CCDC91: variants seen among roughly 807,000 people sequenced by gnomAD.
CCDC91 encodes coiled-coil domain-containing protein 91.
A neutral mutation model predicts 63.2 loss-of-function variants in CCDC91; 48 were observed. The observed-to-expected ratio is 0.76, with a 90% confidence interval of 0.60 to 0.97. The LOEUF (loss-of-function observed/expected upper bound fraction) is 0.97. Ranked by LOEUF, CCDC91 falls within the 50% of genes least tolerant of loss-of-function variation. The probability of loss-of-function intolerance (pLI) is 0.00; values close to 1 mark genes in which losing one functional copy is unlikely to be tolerated. For synonymous variants in CCDC91, 167 were observed against 165.8 expected (o/e 1.01, Z -0.06); for missense variants, 500 against 494.6 (o/e 1.01, Z -0.10).
intron 1 of CCDC91, among the ~76,000 whole-genome samples, chr12:28,223,920 T>C (rs1429148005): frequency 6.6e-6 from 1 of 152,170 alleles, no homozygotes; most frequent in Non-Finnish European, 1.5e-5. Context: ...ATTGGAGGTA[T>C]GTTTGCAGTG....
intron 8 of CCDC91, among the ~76,000 whole-genome samples, chr12:28,414,824 C>T (rs1478189008): frequency 6.6e-6 from 1 of 152,114 alleles, no homozygotes; most frequent in Non-Finnish European, 1.5e-5. Context: ...GAGCAATGAA[C>T]TTGGGGCAAT....
chr12:28,267,822 T>TA (rs1565699890), intron 3 of CCDC91, among the ~76,000 whole-genome samples: 19 of 5,674 alleles, frequency 3.3e-3, no homozygotes, highest in South Asian at 0.03. Flanking sequence ...ATAATTATAT[T>TA]ATTAATATAT....
chr12:28,350,049 T>C (rs1943077255), intron 6 of CCDC91, among the ~76,000 whole-genome samples: 1 of 152,170 alleles, frequency 6.6e-6, no homozygotes, highest in Non-Finnish European at 1.5e-5. Context: ...TTCTTTAAGA[T>C]TGTCTTTTTT....
intron 12 of CCDC91, among the ~76,000 whole-genome samples, chr12:28,536,097 C>A (rs1278958767): frequency 6.6e-6 from 1 of 151,632 alleles, no homozygotes; most frequent in Non-Finnish European, 1.5e-5. Flanking sequence ...TTTTAGAATG[C>A]AGATAATGGC....
chr12:28,451,574 G>A (rs1369672512), intron 10 of CCDC91, among the ~76,000 whole-genome samples: 2 of 151,652 alleles, frequency 1.3e-5, no homozygotes, highest in Non-Finnish European at 3.0e-5. Context: ...ATTAACAAAT[G>A]TGATTTTTAA....
intron 8 of CCDC91, among the ~76,000 whole-genome samples, chr12:28,445,519 C>T (rs1317739512): frequency 6.6e-6 from 1 of 152,104 alleles, no homozygotes; most frequent in Non-Finnish European, 1.5e-5. Flanking sequence ...CTGCAAAACC[C>T]TAGAAAGCTG....
At chr12:28,342,165 A>G (rs1942474171) in intron 6 of CCDC91, among the ~76,000 whole-genome samples, 4 of 152,170 alleles carry the variant, frequency 2.6e-5, no homozygotes, top group Admixed American at 2.6e-4. Flanking sequence ...AGATGCAGAA[A>G]CTGTGTGCAA....
chr12:28,307,730 A>T lies in CCDC91; in HGVS notation c.557A>T (p.Asp186Val). 6.3e-7 allele frequency: 1 copy of T among 1,577,204 alleles called. No homozygotes were observed. The change falls in exon 6 of 13, where the codon GAT (aspartate) becomes GTT (valine). Residue 186 changes from aspartate (D) to valine (V), a missense_variant. Coordinates refer to ENST00000536442, the MANE Select transcript of CCDC91 (RefSeq NM_018318.5). The part of the protein sequence containing the change: ...EKEQEAISFQ[D>V]RYKELQEKHK... ...GAGCAAGAGGCCATTTCTTTTCAAGATAGATACAAAGAACTTCAGGTAAGG... is the reference window on the plus strand; with the variant it reads ...GAGCAAGAGGCCATTTCTTTTCAAGTTAGATACAAAGAACTTCAGGTAAGG...
intron 12 of CCDC91, among the ~76,000 whole-genome samples, chr12:28,523,481 A>T (rs1159534891): frequency 3.9e-5 from 6 of 151,966 alleles, no homozygotes; most frequent in Non-Finnish European, 8.8e-5. Flanking sequence ...TGCACATGAG[A>T]TGGGTCTCCT....
At chr12:28,458,854 A>T (rs1950179473) in intron 11 of CCDC91, among the ~76,000 whole-genome samples, 1 of 152,078 alleles carries the variant, frequency 6.6e-6, no homozygotes, top group African/African-American at 2.4e-5. Flanking sequence ...TCTTATGTAG[A>T]CTTCTTTACC....
chr12:28,267,848 TATAGTAATA>T (rs1385667989), intron 3 of CCDC91, among the ~76,000 whole-genome samples: 371 of 15,076 alleles, frequency 0.025, 30 homozygotes, highest in Middle Eastern at 0.062. Context: ...TATATAATTA[TATAGTAATA>T]TATAATTATA....
At chr12:28,515,556 A>G (rs1939851096) in intron 12 of CCDC91, among the ~76,000 whole-genome samples, 1 of 151,940 alleles carries the variant, frequency 6.6e-6, no homozygotes, top group Non-Finnish European at 1.5e-5. Context: ...TTAAGAAAAG[A>G]AAACATTCTT....
chr12:28,521,231 G>C (rs961833126), intron 12 of CCDC91, among the ~76,000 whole-genome samples: 1 of 152,018 alleles, frequency 6.6e-6, no homozygotes, highest in Non-Finnish European at 1.5e-5. Context: ...ATTTGTTTGT[G>C]TCCTCTTTCA....
intron 8 of CCDC91, among the ~76,000 whole-genome samples, chr12:28,424,992 G>T (rs1359905112): frequency 6.6e-6 from 1 of 152,002 alleles, no homozygotes; most frequent in Admixed American, 6.6e-5. Flanking sequence ...AAAGTGAGCC[G>T]CTTTTTCTAG....
chr12:28,353,508 A>G (rs1179139789), intron 6 of CCDC91, among the ~76,000 whole-genome samples: 1 of 152,140 alleles, frequency 6.6e-6, no homozygotes, highest in Non-Finnish European at 1.5e-5. Flanking sequence ...TTAAAGTGAG[A>G]GCCATATGAC....
rs141049936 is a variant in CCDC91 at position 28,537,276 on chromosome 12, G to A, written c.1216-11787G>A. 2.6e-3 allele frequency among the ~76,000 whole-genome samples: 394 copies of A among 152,118 alleles called. 7 individuals are homozygous for A. Among genetic ancestry groups the A allele is most frequent in the African/African-American group, 8.1e-3 (338 of 41,506 alleles). ...ATGCAAGTTAAACAAATTTTCTTTC[G>A]TACATATATGTTCAGGTAATAAGCA... On this transcript the variant is annotated intron_variant, in intron 12 of 12. Coordinates refer to ENST00000536442, the MANE Select transcript of CCDC91 (RefSeq NM_018318.5).
intron 2 of CCDC91, 30 bp from the exon 3 acceptor site, chr12:28,259,334 T>A (rs758843332): frequency 5.1e-6 from 8 of 1,559,074 alleles, no homozygotes; most frequent in Non-Finnish European, 7.1e-6. Flanking sequence ...TTTTCACATC[T>A]TCTAAAATAA....
At chr12:28,238,839 G>A (rs1444754047) in intron 1 of CCDC91, among the ~76,000 whole-genome samples, 1 of 152,134 alleles carries the variant, frequency 6.6e-6, no homozygotes, top group African/African-American at 2.4e-5. Flanking sequence ...GTGTGTGGCA[G>A]CCAGGCACAG....
intron 11 of CCDC91, among the ~76,000 whole-genome samples, chr12:28,453,544 GTTTA>G (rs1949915896): frequency 1.3e-5 from 2 of 151,870 alleles, no homozygotes; most frequent in South Asian, 4.1e-4. Context: ...GATGTCACTT[GTTTA>G]TTCTCAGGAA....
Sources: gnomAD v4.1 joint callset for allele counts (sites outside exome capture counted in the v4.1 genomes callset) on GRCh38, gnomAD v4.1.1 for gene constraint, MANE v1.5 for transcripts, NCBI Gene and HGNC (gene_info 2026-07-23, HGNC 2026-07-21) for gene names.